Variants in CSMD1 observed in about 807,000 individuals in gnomAD.
CSMD1 encodes CUB and sushi domain-containing protein 1.
A neutral mutation model predicts 417.5 loss-of-function variants in CSMD1; 213 were observed. The ratio of observed to expected loss-of-function variants is 0.51; its 90% confidence interval spans 0.46 to 0.57. CSMD1 has a LOEUF of 0.57. Among genes scored for constraint, CSMD1 ranks in the 20% least tolerant of loss-of-function variants. The pLI is 0.00. For missense variants in CSMD1, 6,923 were observed against 4,529.7 expected (o/e 1.53, Z -15.17); for synonymous variants, 2,862 against 1,736.8 (o/e 1.65, Z -16.11).
chr8:3,176,779 TTTC>T (rs1397496352), intron 37 of CSMD1, among the ~76,000 whole-genome samples: 11 of 117,518 alleles, frequency 9.4e-5, no homozygotes, highest in East Asian at 8.6e-4. Flanking sequence ...TTTCTTTTTC[TTTC>T]TTTTTTTTTT....
In CSMD1 at chr8:3,930,378, AC is replaced by A. The variant is rs1415414463; in HGVS notation, c.818+67524del. ...TCAATGTATTTTATGTTCTTAGCTC[AC>A]ACAACTTAGCCCTGGCATGCTTATA... On this transcript the variant is annotated intron_variant, in intron 5 of 69. Transcript: ENST00000635120. Among the ~76,000 whole-genome samples the A allele has an allele frequency of 1.3e-5, 2 of 150,654 alleles. 1 individual carries two copies. The highest frequency in any genetic ancestry group is 3.9e-4 in the East Asian group (2 of 5,144).
At chr8:4,486,126 TATATATATATACATAC>T (rs1347633879) in intron 2 of CSMD1, among the ~76,000 whole-genome samples, 10,001 of 34,514 alleles carry the variant, frequency 0.29, 562 homozygotes, top group Middle Eastern at 0.35. Context: ...TACATACATA[TATATATATATACATAC>T]ATATATATAT....
chr8:4,064,242 A>T (rs1799127907), intron 3 of CSMD1, among the ~76,000 whole-genome samples: 1 of 152,218 alleles, frequency 6.6e-6, no homozygotes, highest in African/African-American at 2.4e-5. Context: ...TCATTCGCTG[A>T]TGGAAATACT....
rs1200435500 is a variant in CSMD1 at position 3,842,954 on chromosome 8, G to C, written c.819-88912C>G. Among the ~76,000 whole-genome samples, 5 of 152,092 alleles carry C rather than the reference G, an allele frequency of 3.3e-5. No homozygotes were observed. The East Asian group carries it at 7.7e-4, about 23-fold the overall frequency. ...GTTCCTAGAATTGAAACTACAAAAA[G>C]TCAACATTAGCTCACTCAATTGTTT... On this transcript the variant is annotated intron_variant, in intron 5 of 69. Coordinates refer to ENST00000635120, the MANE Select transcript of CSMD1 (RefSeq NM_033225.6).
intron 4 of CSMD1, among the ~76,000 whole-genome samples, chr8:4,025,621 C>T (rs532862652): frequency 1.5e-3 from 221 of 152,050 alleles, no homozygotes; most frequent in Admixed American, 1.8e-3. Flanking sequence ...CAGAACATGC[C>T]AATAATATAC....
intron 3 of CSMD1, among the ~76,000 whole-genome samples, chr8:4,088,059 C>G (rs961386049): frequency 2.6e-5 from 4 of 152,160 alleles, no homozygotes; most frequent in Admixed American, 1.3e-4. Flanking sequence ...TGACCTTTGA[C>G]AATCACAGTA....
intron 10 of CSMD1, among the ~76,000 whole-genome samples, chr8:3,528,423 G>T (rs901140558): frequency 6.6e-6 from 1 of 152,206 alleles, no homozygotes; most frequent in African/African-American, 2.4e-5. Flanking sequence ...GGATGGCTCT[G>T]TATGCAAGTC....
At chr8:4,976,444 T>G (rs1810565371) in intron 1 of CSMD1, among the ~76,000 whole-genome samples, 1 of 152,190 alleles carries the variant, frequency 6.6e-6, no homozygotes, top group Middle Eastern at 3.2e-3. Flanking sequence ...TAAATACAAT[T>G]TTGACAAAAA....
At chr8:4,246,837 G>C (rs1053718878) in intron 3 of CSMD1, among the ~76,000 whole-genome samples, 1 of 152,128 alleles carries the variant, frequency 6.6e-6, no homozygotes, top group East Asian at 1.9e-4. Flanking sequence ...AATGTTCATA[G>C]AATTTAGAGC....
At chr8:4,098,858 A>T (rs1305118594) in intron 3 of CSMD1, among the ~76,000 whole-genome samples, 1 of 152,200 alleles carries the variant, frequency 6.6e-6, no homozygotes, top group African/African-American at 2.4e-5. Flanking sequence ...TTGCTCACTC[A>T]TTCATTTATT....
intron 2 of CSMD1, among the ~76,000 whole-genome samples, chr8:4,590,707 T>C (rs1585297854): frequency 6.6e-6 from 1 of 152,190 alleles, no homozygotes; most frequent in Non-Finnish European, 1.5e-5. Flanking sequence ...ACTGAATAGA[T>C]AGATTTTTTG....
chr8:4,898,208 G>T (rs1804631697), intron 1 of CSMD1, among the ~76,000 whole-genome samples: 1 of 152,144 alleles, frequency 6.6e-6, no homozygotes, highest in Non-Finnish European at 1.5e-5. Context: ...CAAATGGAAT[G>T]ATTAAAACGC....
At chr8:4,375,543 AG>A (rs1802679303) in intron 3 of CSMD1, among the ~76,000 whole-genome samples, 2 of 152,076 alleles carry the variant, frequency 1.3e-5, no homozygotes, top group Middle Eastern at 3.2e-3. Context: ...TTAACATTTT[AG>A]CCCACTTCTT....
intron 3 of CSMD1, among the ~76,000 whole-genome samples, chr8:4,336,426 C>A (rs1048152372): frequency 7.9e-5 from 12 of 152,082 alleles, no homozygotes; most frequent in African/African-American, 2.9e-4. Context: ...CCCTAAGGCC[C>A]CCGGTCAGTT....
Position 3,399,428 on chromosome 8 carries a change from C to T in CSMD1, c.2368G>A (p.Ala790Thr). Residue 790 changes from alanine (A) to threonine (T), a missense_variant, in exon 16 of 70, where the codon GCA (alanine) becomes ACA (threonine). By Grantham distance (58) the Ala-to-Thr change is moderately conservative. Coordinates refer to ENST00000635120, the MANE Select transcript of CSMD1 (RefSeq NM_033225.6). ...ATTTTGATAGAGTGGCCTGGTTTTG[C>T]TTCAATTATCCATTCACAATGTAAA... ...DSLHCEWIIE[A>T]KPGHSIKITF... is the part of the protein sequence containing the mutation. The T allele has an allele frequency of 3.7e-6, 6 of 1,606,202 alleles. No individual in the cohort carries two copies. Among genetic ancestry groups the T allele is most frequent in the Non-Finnish European group, 5.1e-6 (6 of 1,177,000 alleles).
chr8:4,211,498 T>C (rs1482250930), intron 3 of CSMD1, among the ~76,000 whole-genome samples: 2 of 152,244 alleles, frequency 1.3e-5, no homozygotes, highest in Non-Finnish European at 2.9e-5. Context: ...CACTGGGTGT[T>C]TGAATGTATT....
At chr8:3,357,519 T>C (rs1054858824) in intron 21 of CSMD1, among the ~76,000 whole-genome samples, 1 of 152,226 alleles carries the variant, frequency 6.6e-6, no homozygotes, top group African/African-American at 2.4e-5. Flanking sequence ...AGTTTTCATA[T>C]TTTAGACCAC....
intron 3 of CSMD1, among the ~76,000 whole-genome samples, chr8:4,334,526 T>G (rs1464426351): frequency 6.6e-6 from 1 of 152,136 alleles, no homozygotes; most frequent in Non-Finnish European, 1.5e-5. Context: ...ATGAGCTAAT[T>G]CCTTAAAATA....
At chr8:2,981,616 C>T (rs1805431379) in intron 54 of CSMD1, among the ~76,000 whole-genome samples, 1 of 152,050 alleles carries the variant, frequency 6.6e-6, no homozygotes, top group Non-Finnish European at 1.5e-5. Context: ...ACACTGATGT[C>T]TTATATACAT....
Sources: allele counts gnomAD v4.1 joint callset (sites outside exome capture counted in the v4.1 genomes callset), GRCh38; gene constraint gnomAD v4.1.1; transcripts MANE v1.5; gene names NCBI Gene and HGNC (gene_info 2026-07-23, HGNC 2026-07-21).